DLC1: variants seen among roughly 807,000 people sequenced by gnomAD.
DLC1 encodes the protein rho GTPase-activating protein 7.
Under a neutral mutation model 140.3 loss-of-function variants are expected in DLC1, and 54 were observed. The observed-to-expected ratio is 0.38, with a 90% CI of 0.31 to 0.48. The LOEUF is 0.48. Ranked by LOEUF, DLC1 falls within the 20% of genes least tolerant of loss-of-function variation. The pLI is 0.96. For synonymous variants in DLC1, 986 were observed against 728.1 expected (o/e 1.35, Z -5.70); for missense variants, 2,536 against 1,907.0 (o/e 1.33, Z -6.14).
At chr8:13,381,419 C>G (rs945199367) in intron 4 of DLC1, among the ~76,000 whole-genome samples, 2 of 152,130 alleles carry the variant, frequency 1.3e-5, no homozygotes, top group Non-Finnish European at 2.9e-5. Context: ...TCTGTGTGTC[C>G]TGGTAGATAT....
At chr8:13,288,779 G>C (rs1335824484) in intron 5 of DLC1, among the ~76,000 whole-genome samples, 1 of 152,184 alleles carries the variant, frequency 6.6e-6, no homozygotes, top group Non-Finnish European at 1.5e-5. Context: ...TTCTAGGGGA[G>C]GAAAGAAGAA....
intron 1 of DLC1, among the ~76,000 whole-genome samples, chr8:13,560,903 A>G (rs1804219244): frequency 6.6e-6 from 1 of 152,064 alleles, no homozygotes; most frequent in South Asian, 2.1e-4. Flanking sequence ...CCTCAGAAGG[A>G]ACCAACCCTA....
At chr8:13,359,968 T>G (rs2117070425) in intron 4 of DLC1, among the ~76,000 whole-genome samples, 1 of 152,326 alleles carries the variant, frequency 6.6e-6, no homozygotes, top group East Asian at 1.9e-4. Context: ...TTAATAAGAT[T>G]TATAAAGAGC....
At chr8:13,271,880 T>C (rs1586047334) in intron 5 of DLC1, among the ~76,000 whole-genome samples, 1 of 152,182 alleles carries the variant, frequency 6.6e-6, no homozygotes, top group African/African-American at 2.4e-5. Flanking sequence ...TCTTGCTCTG[T>C]TACCCAGGCT....
At chr8:13,398,111 C>G (rs900639295) in intron 3 of DLC1, among the ~76,000 whole-genome samples, 2 of 148,572 alleles carry the variant, frequency 1.3e-5, no homozygotes, top group Non-Finnish European at 3.0e-5. Context: ...AGCCTGGTGA[C>G]AGAGCGAGAG....
At chr8:13,437,002 A>G (rs187297681) in intron 2 of DLC1, among the ~76,000 whole-genome samples, 89 of 152,296 alleles carry the variant, frequency 5.8e-4, no homozygotes, top group Admixed American at 5.0e-3. Context: ...TGGTTTTGAT[A>G]TTGTCATGTA....
chr8:13,388,462 T>A (rs182901261), intron 4 of DLC1, among the ~76,000 whole-genome samples: 14 of 152,112 alleles, frequency 9.2e-5, no homozygotes, highest in African/African-American at 3.1e-4. Context: ...GTGGTTTCTG[T>A]GTTTATCCTG....
At chr8:13,283,490 A>G (rs537779604) in intron 5 of DLC1, among the ~76,000 whole-genome samples, 1 of 152,274 alleles carries the variant, frequency 6.6e-6, no homozygotes, top group African/African-American at 2.4e-5. Context: ...AGGAAAACCA[A>G]ATATAACCTG....
chr8:13,334,096 A>C (rs1833718428), intron 4 of DLC1, among the ~76,000 whole-genome samples: 1 of 152,062 alleles, frequency 6.6e-6, no homozygotes, highest in Non-Finnish European at 1.5e-5. Flanking sequence ...GGATGCTTGG[A>C]GAGGGGGTGA....
chr8:13,102,238 C>T (rs1451971285), intron 8 of DLC1, among the ~76,000 whole-genome samples: 2 of 152,188 alleles, frequency 1.3e-5, no homozygotes, highest in Admixed American at 1.3e-4. Context: ...ACAACTCACA[C>T]GCAGAAGAAA....
intron 1 of DLC1, chr8:13,566,816 C>G (rs1189845338): frequency 1.3e-6 from 1 of 780,990 alleles, no homozygotes; most frequent in Non-Finnish European, 1.9e-6. Context: ...GGTGGCCAGT[C>G]ACTGCGCATG....
intron 13 of DLC1, 38 bp downstream of exon 13, chr8:13,092,574 T>G (rs1156321129): frequency 3.8e-6 from 6 of 1,582,206 alleles, no homozygotes; most frequent in Non-Finnish European, 5.2e-6. Flanking sequence ...GAATGTAGGC[T>G]GCCCCCTGTG....
At chr8:13,417,044 T>C (rs1838098338) in intron 2 of DLC1, among the ~76,000 whole-genome samples, 1 of 152,094 alleles carries the variant, frequency 6.6e-6, no homozygotes, top group South Asian at 2.1e-4. Context: ...TCGGGCTAGT[T>C]AAAATGACTG....
chr8:13,546,615 G>T (rs1803656621), intron 1 of DLC1, among the ~76,000 whole-genome samples: 1 of 152,102 alleles, frequency 6.6e-6, no homozygotes, highest in Admixed American at 6.6e-5. Flanking sequence ...TTATGTAAAT[G>T]AAGGAAAAAC....
At chr8:13,568,161 G>A (rs1804523135) in intron 1 of DLC1, 1 of 542,176 alleles carries the variant, frequency 1.8e-6, no homozygotes, top group Non-Finnish European at 3.2e-6. Flanking sequence ...TTGGTAGTTT[G>A]GGCCAGGATG....
Position 13,548,411 on chromosome 8 carries a change from G to T in DLC1, c.-125-48215C>A, listed in dbSNP as rs6987846. On this transcript the variant is annotated intron_variant, in intron 1 of 1. Coordinates refer to the DLC1 transcript ENST00000631382. ...AAATTGAATTAATGAATTAGTTTCAGGAGGTGAAACAGAGGTGGAATTTGG... is the reference window on the plus strand; with the variant it reads ...AAATTGAATTAATGAATTAGTTTCATGAGGTGAAACAGAGGTGGAATTTGG... Among the ~76,000 whole-genome samples the T allele has an allele frequency of 5.4e-3, 824 of 151,968 alleles. 6 individuals carry two copies. The highest frequency in any genetic ancestry group is 0.019 in the African/African-American group (779 of 41,472).
rs546539717 is a variant in DLC1 at position 13,094,447 on chromosome 8, C to T, written c.3526+312G>A. Among the ~76,000 whole-genome samples, 35 of 152,260 alleles carry T rather than the reference C, an allele frequency of 2.3e-4. No homozygotes were observed. In the South Asian group the frequency reaches 6.8e-3, roughly 30 times the overall value. Reference sequence around the variant, plus strand: ...CTGGGAGGCCGAGGTGGGAGGATCACTTGAGGTCAGGAGTTCGAGACCATC... The same window carrying T: ...CTGGGAGGCCGAGGTGGGAGGATCATTTGAGGTCAGGAGTTCGAGACCATC... On this transcript the variant is annotated intron_variant, in intron 12 of 17. Coordinates refer to ENST00000276297, the MANE Select transcript of DLC1 (RefSeq NM_182643.3).
At chr8:13,208,455 A>T (rs1827776672) in intron 5 of DLC1, among the ~76,000 whole-genome samples, 2 of 152,182 alleles carry the variant, frequency 1.3e-5, no homozygotes, top group South Asian at 4.1e-4. Context: ...CACTTTGTTT[A>T]CCAGTAGAAA....
chr8:13,381,737 C>A (rs1453803446), intron 4 of DLC1, among the ~76,000 whole-genome samples: 2 of 152,128 alleles, frequency 1.3e-5, no homozygotes, highest in Admixed American at 1.3e-4. Context: ...ACTGCTTGAA[C>A]AAAACACTAC....
Sources: gnomAD v4.1 joint callset for allele counts (sites outside exome capture counted in the v4.1 genomes callset) on GRCh38, gnomAD v4.1.1 for gene constraint, MANE v1.5 for transcripts, NCBI Gene and HGNC (gene_info 2026-07-23, HGNC 2026-07-21) for gene names.